Variants in PGAP1 observed in about 807,000 individuals in gnomAD.
The protein encoded by PGAP1 is GPI inositol-deacylase.
PGAP1 carries 76 observed loss-of-function variants against 127.0 expected under a neutral mutation model. The ratio of observed to expected loss-of-function variants is 0.60; its 90% CI spans 0.50 to 0.72. The LOEUF is 0.72. Ranked by LOEUF, PGAP1 falls within the 30% of genes least tolerant of loss-of-function variation. The pLI is 0.00. For missense variants in PGAP1, 982 were observed against 1,071.3 expected, an observed-to-expected ratio of 0.92 and a Z score of 1.16; for synonymous variants, 362 against 366.5, an observed-to-expected ratio of 0.99 and a Z score of 0.14.
intron 10 of PGAP1, among the ~76,000 whole-genome samples, chr2:196,888,105 C>T (rs1701977539): frequency 6.6e-6 from 1 of 152,106 alleles, no homozygotes; most frequent in Non-Finnish European, 1.5e-5. Flanking sequence ...CATCAAAACA[C>T]CATGTTGATA....
rs1700350382 is a variant in PGAP1, at chr2:196,839,660, T to C, written c.*1574A>G. 1 of 152,192 alleles carries C rather than the reference T, an allele frequency of 6.6e-6. No individual in the cohort carries two copies. Among genetic ancestry groups the C allele is most frequent in the Non-Finnish European group, 1.5e-5 (1 of 68,056 alleles). 9.4% of individuals were successfully genotyped at this position (152,192 alleles called of 1,614,324 possible). A position where few individuals can be genotyped will look rare whatever the true frequency, so the allele number is the denominator to read the frequency against. ...AGATGAGAGCAAGACTCCCTTCAAC[T>C]GAGGCCAAAATAGCCAGGACCTGAG... On this transcript the variant is annotated 3_prime_UTR_variant, in exon 27 of 27. Transcript: ENST00000354764.
intron 18 of PGAP1, among the ~76,000 whole-genome samples, chr2:196,871,469 TA>T (rs537508129): frequency 6.6e-6 from 1 of 151,838 alleles, no homozygotes; most frequent in African/African-American, 2.4e-5. Context: ...GCAGTATTTG[TA>T]AAAAAAATGG....
intron 20 of PGAP1, among the ~76,000 whole-genome samples, chr2:196,852,083 A>G (rs73064903): frequency 0.1 from 15,539 of 152,198 alleles, 962 homozygotes; most frequent in African/African-American, 0.17. Context: ...GGATCTAATT[A>G]TCTTTCATAA....
chr2:196,843,410 C>A (rs2125775640), intron 25 of PGAP1, among the ~76,000 whole-genome samples: 1 of 152,192 alleles, frequency 6.6e-6, no homozygotes, highest in East Asian at 1.9e-4. Flanking sequence ...TTTGGTTCTG[C>A]CAACTTAAAA....
In PGAP1 at chr2:196,836,574, G is replaced by A. The variant is rs1401444273; in HGVS notation, c.*4660C>T. ...TCCTATTATTCTTATTAAAAGTAAA[G>A]AATGGTAGTAGCTTCACAGCTTTCC... On this transcript the variant is annotated 3_prime_UTR_variant, in exon 27 of 27. Coordinates refer to ENST00000354764, the MANE Select transcript of PGAP1 (RefSeq NM_024989.4). 1 of 152,092 alleles carries A rather than the reference G, an allele frequency of 6.6e-6. No homozygotes were observed. Among genetic ancestry groups the A allele is most frequent in the African/African-American group, 2.4e-5 (1 of 41,426 alleles). The allele number at this position is 152,092 out of a possible 1,614,324, so 9.4% of individuals were successfully genotyped here. A position where few individuals can be genotyped will look rare whatever the true frequency, so the allele number is the denominator to read the frequency against.
intron 20 of PGAP1, among the ~76,000 whole-genome samples, chr2:196,863,861 G>T (rs1701150139): frequency 6.6e-6 from 1 of 152,072 alleles, no homozygotes; most frequent in Admixed American, 6.5e-5. Context: ...TTACAGGCAT[G>T]AGCCAGTGCC....
At position 196,847,220 on chromosome 2, in the gene PGAP1, T is replaced by A. The variant is rs780018069; in HGVS notation, c.1953-20A>T. The A allele has an allele frequency of 6.4e-7, 1 of 1,573,298 alleles. No homozygotes were observed. Among genetic ancestry groups the A allele is most frequent in the Admixed American group, 1.8e-5 (1 of 54,268 alleles). On this transcript the variant is annotated intron_variant, in intron 21 of 26. Coordinates refer to ENST00000354764, the MANE Select transcript of PGAP1 (RefSeq NM_024989.4). ...TTATACCTGTGGAGAAAAGAAAATATAAAAGCAAAAAACCCAACAACTGAA... is the reference window on the plus strand; with the variant it reads ...TTATACCTGTGGAGAAAAGAAAATAAAAAAGCAAAAAACCCAACAACTGAA...
chr2:196,865,256 C>G (rs1273698938), intron 19 of PGAP1, among the ~76,000 whole-genome samples, 176 bp from the exon 20 acceptor site: 1 of 152,056 alleles, frequency 6.6e-6, no homozygotes, highest in Non-Finnish European at 1.5e-5. Context: ...ATAGCAAACT[C>G]AAAATGTATC....
At position 196,848,090 on chromosome 2, in the gene PGAP1, T is replaced by C. The variant is rs566477161; in HGVS notation, c.1862-53A>G. 7.4e-5 allele frequency: 92 copies of C among 1,239,202 alleles called. No individual in the cohort carries two copies. The South Asian group carries it at 9.0e-4, about 12-fold the overall frequency. 76.8% of individuals were successfully genotyped at this position (1,239,202 alleles called of 1,614,324 possible). ...ATTTACAGTAATTAAGTATGAGATATACTATATCCCACGTTCTCTAAAACA... is the reference window on the plus strand; with the variant it reads ...ATTTACAGTAATTAAGTATGAGATACACTATATCCCACGTTCTCTAAAACA... On this transcript the variant is annotated intron_variant, in intron 20 of 26. Transcript: ENST00000354764.
rs1253682989 is a variant in PGAP1 at position 196,838,537 on chromosome 2, A to G, written c.*2697T>C. 1 of 152,220 alleles carries G rather than the reference A, an allele frequency of 6.6e-6. No individual in the cohort carries two copies. The highest frequency in any genetic ancestry group is 2.4e-5 in the African/African-American group (1 of 41,450). 9.4% of individuals were successfully genotyped at this position (152,220 alleles called of 1,614,324 possible). On this transcript the variant is annotated 3_prime_UTR_variant, in exon 27 of 27. Transcript: ENST00000354764. ...CAAGACTCAATGAAGACCCTGTCAAAATGTAAGTGTATACATATGTGTCTG... is the reference window on the plus strand; with the variant it reads ...CAAGACTCAATGAAGACCCTGTCAAGATGTAAGTGTATACATATGTGTCTG...
intron 16 of PGAP1, among the ~76,000 whole-genome samples, chr2:196,873,320 T>C (rs1036442755): frequency 2.0e-5 from 3 of 152,074 alleles, no homozygotes; most frequent in Non-Finnish European, 4.4e-5. Context: ...AATGTGGATA[T>C]TTAAACTGAA....
In PGAP1 at chr2:196,867,134, T is replaced by C. The variant is rs558657876; in HGVS notation, c.1768-2054A>G. Among the ~76,000 whole-genome samples, 26 of 152,276 alleles carry C rather than the reference T, an allele frequency of 1.7e-4. 1 individual carries two copies. Among genetic ancestry groups the C allele is most frequent in the Middle Eastern group, 6.8e-3 (2 of 294 alleles). On this transcript the variant is annotated intron_variant, in intron 19 of 26. Transcript: ENST00000354764. ...TTCACCTAGCAATCCCATTACTGAG[T>C]ATATACCCAAAGGATTATAAATCAT... is the stretch of plus-strand genomic sequence containing the variant.
In PGAP1 at chr2:196,847,078, C is replaced by A. The variant is rs1283043067; in HGVS notation, c.2075G>T (p.Cys692Phe). Reference protein sequence around the residue: ...ISLILFLFGTCTAYWSGLLSS... With the variant: ...ISLILFLFGTFTAYWSGLLSS... ...CAGTAGGCCACTCCAGTAGGCAGTA[C>A]ACGTTCCAAACAGAAAGAGAATCAA... Residue 692 changes from cysteine (C) to phenylalanine (F), a missense_variant, in exon 22 of 27, where the codon TGT (cysteine) becomes TTT (phenylalanine). Cys to Phe is a radical substitution (Grantham distance 205). Transcript: ENST00000354764. The A allele has an allele frequency of 6.2e-7, 1 of 1,613,760 alleles. No homozygotes were observed. The highest frequency in any genetic ancestry group is 2.2e-5 in the East Asian group (1 of 44,838).
intron 4 of PGAP1, among the ~76,000 whole-genome samples, chr2:196,906,973 G>C (rs1389429970): frequency 6.9e-6 from 1 of 144,778 alleles, no homozygotes; most frequent in Admixed American, 6.8e-5. Flanking sequence ...ATCTACGTCT[G>C]ATTGGTGTAC....
At chr2:196,900,250 C>T (rs1702440881) in intron 5 of PGAP1, among the ~76,000 whole-genome samples, 1 of 152,168 alleles carries the variant, frequency 6.6e-6, no homozygotes, top group Non-Finnish European at 1.5e-5. Flanking sequence ...TGGAAAACCA[C>T]CCACCAACCT....
chr2:196,847,243 G>T, intron 21 of PGAP1, 43 bp from the exon 22 acceptor site: 1 of 1,417,300 alleles, frequency 7.1e-7, no homozygotes, highest in Non-Finnish European at 9.8e-7. Flanking sequence ...CCCAACAACT[G>T]AAATTTAAGG....
chr2:196,901,398 T>C (rs1057352791), intron 5 of PGAP1, among the ~76,000 whole-genome samples: 1 of 152,140 alleles, frequency 6.6e-6, no homozygotes, highest in African/African-American at 2.4e-5. Context: ...TGAACAGTAA[T>C]CTAAAGTAGG....
In PGAP1 at chr2:196,838,962, T is replaced by A. The variant is rs1700323788; in HGVS notation, c.*2272A>T. 6.6e-6 allele frequency: 1 copy of A among 152,442 alleles called. No individual in the cohort carries two copies. Among genetic ancestry groups the A allele is most frequent in the Non-Finnish European group, 1.5e-5 (1 of 68,188 alleles). 9.4% of individuals were successfully genotyped at this position (152,442 alleles called of 1,614,324 possible). ...GGGAGGCTGAGGCAGGGGCATCACT[T>A]GCACCTGGGAGGTGGAGGTTGCAGT... On this transcript the variant is annotated 3_prime_UTR_variant, in exon 27 of 27. Transcript: ENST00000354764.
intron 8 of PGAP1, among the ~76,000 whole-genome samples, chr2:196,892,760 CA>C (rs1413066314): frequency 3.3e-5 from 5 of 151,806 alleles, no homozygotes; most frequent in Admixed American, 3.3e-4. Context: ...AATTTATCAG[CA>C]AAAGATATGT....
Sources: gnomAD v4.1 joint callset for allele counts (sites outside exome capture counted in the v4.1 genomes callset) on GRCh38, gnomAD v4.1.1 for gene constraint, MANE v1.5 for transcripts, NCBI Gene and HGNC (gene_info 2026-07-23, HGNC 2026-07-21) for gene names.